The following SMC4 variants were observed in gnomAD, a reference collection of about 807,000 sequenced individuals.
The protein encoded by SMC4 is structural maintenance of chromosomes 4.
Under a neutral mutation model 145.6 loss-of-function variants are expected in SMC4, and 87 were observed. The observed-to-expected ratio is 0.60, with a 90% CI of 0.50 to 0.71. The LOEUF (loss-of-function observed/expected upper bound fraction) is 0.71, where lower values mean the gene tolerates loss of function less well. Ranked by LOEUF, SMC4 falls within the 30% of genes least tolerant of loss-of-function variation. The probability of loss-of-function intolerance (pLI) is 0.00; values close to 1 mark genes in which losing one functional copy is unlikely to be tolerated. For missense variants in SMC4, 1,447 were observed against 1,537.1 expected (o/e 0.94, Z 0.98); for synonymous variants, 558 against 500.7 (o/e 1.11, Z -1.53).
chr3:160,426,728 A>G (rs185697961), intron 17 of SMC4, among the ~76,000 whole-genome samples: 4 of 152,326 alleles, frequency 2.6e-5, no homozygotes, highest in Admixed American at 2.6e-4. Context: ...CTGTAGCCTT[A>G]ATTGAAATCC....
rs370054586 is a variant in SMC4, at chr3:160,404,716, G to A, written c.687+212G>A. On this transcript the variant is annotated intron_variant, in intron 5 of 23. Coordinates refer to ENST00000357388, the MANE Select transcript of SMC4 (RefSeq NM_001002800.3). ...ACTATGTTTTCATCATCAGATGTTC[G>A]TTTTATGTTTGGATGAACTGACATA... The A allele has an allele frequency of 2.4e-3, 1,677 of 690,222 alleles. 4 individuals are homozygous for A. Among genetic ancestry groups the A allele is most frequent in the Non-Finnish European group, 3.6e-3 (1,285 of 361,814 alleles). 42.8% of individuals were successfully genotyped at this position (690,222 alleles called of 1,614,324 possible).
At chr3:160,431,496 T>A in intron 20 of SMC4, 147 bp from the exon 21 acceptor site, 1 of 701,696 alleles carries the variant, frequency 1.4e-6, no homozygotes, top group South Asian at 2.1e-5. Context: ...ACAACTATTT[T>A]TCTTGAAGTC....
chr3:160,405,868 A>G (rs184741122), intron 5 of SMC4, among the ~76,000 whole-genome samples: 117 of 152,154 alleles, frequency 7.7e-4, no homozygotes, highest in African/African-American at 2.7e-3. Flanking sequence ...ATATAATACT[A>G]AATTTGATGA....
intron 5 of SMC4, among the ~76,000 whole-genome samples, chr3:160,407,407 GC>G (rs1715453266): frequency 6.6e-6 from 1 of 152,072 alleles, no homozygotes; most frequent in South Asian, 2.1e-4. Flanking sequence ...ACAAAAATTA[GC>G]TGGGCATGGT....
At chr3:160,417,504 A>G (rs1716712531) in intron 10 of SMC4, 7 of 533,532 alleles carry the variant, frequency 1.3e-5, no homozygotes, top group Non-Finnish European at 2.3e-5. Context: ...GATCGATCTC[A>G]CAAAGCTCTT....
chr3:160,400,413 G>C (rs1342225416), intron 1 of SMC4: 1 of 155,574 alleles, frequency 6.4e-6, no homozygotes, highest in Non-Finnish European at 1.4e-5. Context: ...GTTTCTCCAC[G>C]TCGGTGCGCG....
At chr3:160,416,774 A>G (rs112977466) in intron 10 of SMC4, 2,417 of 155,964 alleles carry the variant, frequency 0.015, 70 homozygotes, top group African/African-American at 0.054. Context: ...TTTTGCTTCT[A>G]TAGCTCTTGT....
In SMC4 at chr3:160,401,782, T is replaced by C. The variant is rs1394249124; in HGVS notation, c.140-133T>C. ...TATTTAAGTGGAAAATATAGACTCCTAAGTTTCATAAATAACATCCCTCCA... is the reference window on the plus strand; with the variant it reads ...TATTTAAGTGGAAAATATAGACTCCCAAGTTTCATAAATAACATCCCTCCA... On this transcript the variant is annotated intron_variant, in intron 2 of 23. Coordinates refer to ENST00000357388, the MANE Select transcript of SMC4 (RefSeq NM_001002800.3). 4.4e-6 allele frequency: 3 copies of C among 676,372 alleles called. No homozygotes were observed. The South Asian group carries it at 6.0e-5, about 14-fold the overall frequency. 41.9% of individuals were successfully genotyped at this position (676,372 alleles called of 1,614,324 possible).
chr3:160,433,264 A>C, intron 23 of SMC4, 55 bp downstream of exon 23: 3 of 1,173,972 alleles, frequency 2.6e-6, no homozygotes, highest in Non-Finnish European at 3.7e-6. Flanking sequence ...TATCCTAAAC[A>C]TTACACATGG....
chr3:160,413,988 C>T (rs1000373210), intron 8 of SMC4: 3 of 327,476 alleles, frequency 9.2e-6, no homozygotes, highest in Admixed American at 4.9e-5. Context: ...TTTTCAATGA[C>T]ACTAGTATCT....
rs774938067 is a variant in SMC4, at chr3:160,423,431, G to A, written c.2026G>A (p.Val676Ile). 6.4e-7 allele frequency: 1 copy of A among 1,556,886 alleles called. No homozygotes were observed. Among genetic ancestry groups the A allele is most frequent in the South Asian group, 1.2e-5 (1 of 85,930 alleles). The change falls in exon 14 of 24, where the codon GTA (valine) becomes ATA (isoleucine). Residue 676 changes from valine (V) to isoleucine (I), a missense_variant. Physicochemically the swap from Val to Ile is conservative, Grantham distance 29. Transcript: ENST00000357388. ...ATFIGLDKMA[V>I]WAKKMTEIQT... ...TTTGTTTGTTTACTTTTAGATGGCT[G>A]TATGGGCGAAAAAGATGACCGAAAT...
intron 5 of SMC4, among the ~76,000 whole-genome samples, chr3:160,407,293 C>T (rs539970956): frequency 2.0e-5 from 3 of 152,298 alleles, no homozygotes. Context: ...TAGCTCACGC[C>T]TATAATCCCA....
intron 17 of SMC4, 107 bp downstream of exon 17, chr3:160,426,307 G>A (rs970897543): frequency 7.6e-6 from 6 of 794,642 alleles, no homozygotes; most frequent in Non-Finnish European, 1.3e-5. Flanking sequence ...GTATATGCAA[G>A]TCATTGCACT....
intron 4 of SMC4, 31 bp downstream of exon 4, chr3:160,402,898 C>A: frequency 6.8e-7 from 1 of 1,469,414 alleles, no homozygotes. Flanking sequence ...TTGGCAAGTT[C>A]AAGTAAGGAA....
chr3:160,432,047 A>T (rs1718464449), intron 21 of SMC4, among the ~76,000 whole-genome samples: 1 of 152,198 alleles, frequency 6.6e-6, no homozygotes. Context: ...TTAAAGATAC[A>T]AAAAATTAGC....
chr3:160,414,933 A>T (rs567630733), intron 9 of SMC4, among the ~76,000 whole-genome samples: 1 of 152,330 alleles, frequency 6.6e-6, no homozygotes, highest in South Asian at 2.1e-4. Flanking sequence ...CCAAATCAGG[A>T]GTTCCATTTT....
In SMC4 at chr3:160,400,781, G is replaced by A. The variant is rs768804155; in HGVS notation, c.-5-41G>A. On this transcript the variant is annotated intron_variant, in intron 1 of 23. Coordinates refer to ENST00000357388, the MANE Select transcript of SMC4 (RefSeq NM_001002800.3). ...CGGGTGGGGCGGGCGCGGTGTAGCG[G>A]CCCGCGGGCTGACTTGCTCCCGGCT... 1.5e-5 allele frequency: 22 copies of A among 1,457,100 alleles called. No individual in the cohort carries two copies. In the Admixed American group the frequency reaches 5.3e-4, roughly 35 times the overall value. 90.3% of individuals were successfully genotyped at this position (1,457,100 alleles called of 1,614,324 possible).
In SMC4 at chr3:160,434,315, T is replaced by C. The variant is rs1266224461; in HGVS notation, c.*506T>C. ...GTGATGAGAATTTAAATATATGCTT[T>C]TCTAGAATTTGATGTTTGACCATTT... On this transcript the variant is annotated 3_prime_UTR_variant, in exon 24 of 24. Coordinates refer to ENST00000357388, the MANE Select transcript of SMC4 (RefSeq NM_001002800.3). The C allele has an allele frequency of 1.3e-5, 2 of 152,302 alleles. No individual in the cohort carries two copies. Among genetic ancestry groups the C allele is most frequent in the Non-Finnish European group, 2.9e-5 (2 of 68,116 alleles). The allele number at this position is 152,302 out of a possible 1,614,324, so 9.4% of individuals were successfully genotyped here. A position where few individuals can be genotyped will look rare whatever the true frequency, so the allele number is the denominator to read the frequency against.
chr3:160,419,208 A>T (rs139469227), intron 11 of SMC4, 150 bp from the exon 12 acceptor site: 15 of 522,478 alleles, frequency 2.9e-5, no homozygotes, highest in African/African-American at 2.8e-4. Context: ...CAAACCAGCA[A>T]TTGCCATACA....
Sources: gnomAD v4.1 joint callset for allele counts (sites outside exome capture counted in the v4.1 genomes callset) on GRCh38, gnomAD v4.1.1 for gene constraint, MANE v1.5 for transcripts, NCBI Gene and HGNC (gene_info 2026-07-23, HGNC 2026-07-21) for gene names.